The following MRPS28 variants were observed in gnomAD, a reference collection of about 807,000 sequenced individuals.
MRPS28 encodes mitochondrial ribosomal protein S28.
Under a neutral mutation model 10.8 loss-of-function variants are expected in MRPS28, and 7 were observed. The observed-to-expected ratio is 0.65, with a 90% CI of 0.37 to 1.22. MRPS28 has a LOEUF of 1.22. Ranked by LOEUF, MRPS28 falls within the 50% of genes most tolerant of loss-of-function variation. The pLI, the probability that MRPS28 is intolerant of heterozygous loss-of-function variation, is 0.02. For missense variants in MRPS28, 265 were observed against 232.9 expected (o/e 1.14, Z -0.90); for synonymous variants, 121 against 93.3 (o/e 1.30, Z -1.71).
intron 2 of MRPS28, among the ~76,000 whole-genome samples, chr8:79,969,795 A>G (rs59080161): frequency 1.3e-5 from 2 of 152,306 alleles, no homozygotes; most frequent in African/African-American, 4.8e-5. Context: ...AGTAAACAGG[A>G]AAACTAAATT....
chr8:79,944,500 T>G (rs1190718056), intron 2 of MRPS28, among the ~76,000 whole-genome samples: 1 of 152,182 alleles, frequency 6.6e-6, no homozygotes, highest in Non-Finnish European at 1.5e-5. Flanking sequence ...TTTGCTTTCA[T>G]GAGACCCTAA....
At chr8:79,949,002 C>A (rs548223783) in intron 2 of MRPS28, among the ~76,000 whole-genome samples, 1 of 152,028 alleles carries the variant, frequency 6.6e-6, no homozygotes, top group Admixed American at 6.6e-5. Flanking sequence ...AGTGGGAAAT[C>A]GAGTAGGATG....
At chr8:79,949,419 A>C (rs1038261635) in intron 2 of MRPS28, among the ~76,000 whole-genome samples, 2 of 151,766 alleles carry the variant, frequency 1.3e-5, no homozygotes, top group African/African-American at 2.4e-5. Flanking sequence ...GTCTCAAAAA[A>C]AAAAAAAAAC....
intron 1 of MRPS28, among the ~76,000 whole-genome samples, chr8:80,005,554 T>C (rs1383007402): frequency 6.6e-6 from 1 of 152,148 alleles, no homozygotes; most frequent in Admixed American, 6.5e-5. Context: ...GGACCATCGA[T>C]GCTAGGAAGA....
chr8:80,006,355 C>T lies in MRPS28; in HGVS notation c.214-3175G>A, dbSNP rs535925022. On this transcript the variant is annotated intron_variant, in intron 1 of 2. Transcript: ENST00000276585. ...TCAAAACCGCTCAACTACATGGAAA[C>T]TGAACAACCTGCTCCTGAATGACTA... Among the ~76,000 whole-genome samples, 7 of 152,294 alleles carry T rather than the reference C, an allele frequency of 4.6e-5. No homozygotes were observed. The South Asian group carries it at 1.4e-3, about 32-fold the overall frequency.
At chr8:80,016,778 A>C (rs577526653) in intron 1 of MRPS28, among the ~76,000 whole-genome samples, 290 of 152,358 alleles carry the variant, frequency 1.9e-3, no homozygotes, top group African/African-American at 6.8e-3. Context: ...TAATGTGTAC[A>C]TGCCTAAAAA....
intron 2 of MRPS28, among the ~76,000 whole-genome samples, chr8:80,001,964 T>A (rs1586088274): frequency 6.6e-6 from 1 of 152,256 alleles, no homozygotes; most frequent in Non-Finnish European, 1.5e-5. Context: ...CTTTTTTTTT[T>A]AATCAACTAG....
At chr8:79,960,772 C>CT (rs1807355210) in intron 2 of MRPS28, among the ~76,000 whole-genome samples, 1 of 151,924 alleles carries the variant, frequency 6.6e-6, no homozygotes, top group Non-Finnish European at 1.5e-5. Context: ...GTTGTGAATC[C>CT]TTTTTACCAC....
chr8:79,952,176 T>G (rs1036597650), intron 2 of MRPS28, among the ~76,000 whole-genome samples: 1 of 152,222 alleles, frequency 6.6e-6, no homozygotes, highest in African/African-American at 2.4e-5. Flanking sequence ...ATCAAATCAT[T>G]TAAAAACCCT....
intron 2 of MRPS28, among the ~76,000 whole-genome samples, chr8:79,931,278 T>G (rs981865921): frequency 6.6e-6 from 1 of 152,176 alleles, no homozygotes; most frequent in African/African-American, 2.4e-5. Flanking sequence ...CATCTAGTTG[T>G]CCTTGCCCAT....
chr8:80,002,576 T>C (rs956450224), intron 2 of MRPS28, among the ~76,000 whole-genome samples: 1 of 151,966 alleles, frequency 6.6e-6, no homozygotes, highest in African/African-American at 2.4e-5. Flanking sequence ...CACAACAGAA[T>C]GAACTCTATT....
chr8:79,993,672 T>C (rs1808422944), intron 2 of MRPS28, among the ~76,000 whole-genome samples: 1 of 152,180 alleles, frequency 6.6e-6, no homozygotes, highest in Non-Finnish European at 1.5e-5. Context: ...AGAGATCTGT[T>C]AAAGAAAAAC....
At chr8:79,946,034 A>T (rs1007912141) in intron 2 of MRPS28, among the ~76,000 whole-genome samples, 1 of 152,174 alleles carries the variant, frequency 6.6e-6, no homozygotes, top group Non-Finnish European at 1.5e-5. Context: ...AAAAAAACTA[A>T]CATAATTTCA....
chr8:79,944,601 C>A (rs1322487508), intron 2 of MRPS28, among the ~76,000 whole-genome samples: 2 of 152,044 alleles, frequency 1.3e-5, no homozygotes, highest in African/African-American at 2.4e-5. Flanking sequence ...AAGAGTAGGG[C>A]ATAGCCACAC....
At chr8:79,999,662 T>C (rs1394152525) in intron 2 of MRPS28, among the ~76,000 whole-genome samples, 1 of 152,176 alleles carries the variant, frequency 6.6e-6, no homozygotes. Context: ...TGTATGTCGA[T>C]AAAGAGCTGG....
chr8:80,018,877 C>G (rs534992335), intron 1 of MRPS28, among the ~76,000 whole-genome samples: 1 of 152,146 alleles, frequency 6.6e-6, no homozygotes, highest in South Asian at 2.1e-4. Context: ...CATTACGTTA[C>G]GTGAAATAAG....
chr8:79,964,716 GA>G (rs1199789246), intron 2 of MRPS28, among the ~76,000 whole-genome samples: 1 of 152,046 alleles, frequency 6.6e-6, no homozygotes, highest in African/African-American at 2.4e-5. Context: ...TGGAGGCTGT[GA>G]AGGTAAAATA....
At chr8:79,990,248 C>T (rs116487860) in intron 2 of MRPS28, among the ~76,000 whole-genome samples, 2,009 of 152,210 alleles carry the variant, frequency 0.013, 63 homozygotes, top group African/African-American at 0.044. Flanking sequence ...CACTTCCCTA[C>T]GGCTGTGACC....
chr8:79,959,936 C>T (rs1807331058), intron 2 of MRPS28, among the ~76,000 whole-genome samples: 1 of 152,102 alleles, frequency 6.6e-6, no homozygotes, highest in African/African-American at 2.4e-5. Flanking sequence ...AGAGGCTAAA[C>T]ATTGATTTAA....
Sources: gnomAD v4.1 joint callset for allele counts (sites outside exome capture counted in the v4.1 genomes callset) on GRCh38, gnomAD v4.1.1 for gene constraint, MANE v1.5 for transcripts, NCBI Gene and HGNC (gene_info 2026-07-23, HGNC 2026-07-21) for gene names.